Variants in PCTP observed in about 807,000 individuals in gnomAD.
PCTP encodes the protein START domain-containing protein 2.
PCTP carries 27 observed loss-of-function variants against 31.0 expected under a neutral mutation model. The observed-to-expected ratio is 0.87, with a 90% CI of 0.64 to 1.20. The LOEUF (loss-of-function observed/expected upper bound fraction) is 1.20, where lower values mean the gene tolerates loss of function less well. Among genes scored for constraint, PCTP ranks in the 50% most tolerant of loss-of-function variants. PCTP has a pLI of 0.00. For synonymous variants in PCTP, 108 were observed against 101.2 expected (o/e 1.07, Z -0.40); for missense variants, 287 against 268.2 (o/e 1.07, Z -0.49).
intron 3 of PCTP, among the ~76,000 whole-genome samples, chr17:55,788,357 G>T (rs1911825756): frequency 6.6e-6 from 1 of 152,014 alleles, no homozygotes; most frequent in Admixed American, 6.6e-5. Context: ...TCCTTCTATG[G>T]AACACCTTCT....
At chr17:55,828,458 C>A (rs11651152) in intron 5 of PCTP, among the ~76,000 whole-genome samples, 15,814 of 152,218 alleles carry the variant, frequency 0.1, 1,166 homozygotes, top group East Asian at 0.35. Context: ...CTGTCTTCCC[C>A]CTCTGTTCTG....
At chr17:55,839,720 A>G (rs1320529386) in intron 5 of PCTP, among the ~76,000 whole-genome samples, 1 of 151,618 alleles carries the variant, frequency 6.6e-6, no homozygotes, top group East Asian at 1.9e-4. Flanking sequence ...GGAGATCGAG[A>G]CCATCCCGGC....
chr17:55,827,181 A>T (rs1387117569), downstream of PCTP, among the ~76,000 whole-genome samples: 1 of 152,100 alleles, frequency 6.6e-6, no homozygotes, highest in South Asian at 2.1e-4. Context: ...GACTTCTTTC[A>T]TGCAAGTAGT....
At chr17:55,791,788 C>G (rs1911992233) in intron 3 of PCTP, among the ~76,000 whole-genome samples, 2 of 152,204 alleles carry the variant, frequency 1.3e-5, no homozygotes, top group African/African-American at 2.4e-5. Context: ...CCATTTGACC[C>G]AGCCATCCCA....
intron 1 of PCTP, among the ~76,000 whole-genome samples, chr17:55,766,254 T>C (rs1910644898): frequency 6.6e-6 from 1 of 150,466 alleles, no homozygotes. Flanking sequence ...CATCAGCTGC[T>C]TTTCTTTTTT....
the PCTP span, among the ~76,000 whole-genome samples, chr17:55,850,034 A>T: frequency 1.3e-5 from 2 of 152,210 alleles, no homozygotes; most frequent in African/African-American, 2.4e-5. Flanking sequence ...ATGTCAAATC[A>T]TGCAGAAAAG....
intron 2 of PCTP, among the ~76,000 whole-genome samples, chr17:55,768,509 G>T (rs1256497045): frequency 6.6e-6 from 1 of 152,204 alleles, no homozygotes; most frequent in African/African-American, 2.4e-5. Context: ...GAAGCAATAT[G>T]TTCAATAGCC....
At chr17:55,773,669 C>A (rs1403295456) in intron 3 of PCTP, 55 bp from the exon 4 acceptor site, 1 of 1,536,714 alleles carries the variant, frequency 6.5e-7, no homozygotes, top group East Asian at 2.3e-5. Flanking sequence ...GTGGCGCTTT[C>A]CTTCTGTCTG....
intron 3 of PCTP, among the ~76,000 whole-genome samples, chr17:55,818,526 CT>C (rs1268106699): frequency 1.3e-5 from 2 of 152,140 alleles, no homozygotes; most frequent in African/African-American, 4.8e-5. Flanking sequence ...GTTTTCTCTT[CT>C]GTAAAATGGG....
intron 3 of PCTP, among the ~76,000 whole-genome samples, chr17:55,793,938 G>T (rs147635200): frequency 3.3e-5 from 5 of 152,202 alleles, no homozygotes; most frequent in Admixed American, 2.6e-4. Context: ...CGCCTTCACA[G>T]TAGAAGTTAA....
the PCTP span, among the ~76,000 whole-genome samples, chr17:55,850,924 G>A: frequency 6.6e-6 from 1 of 152,182 alleles, no homozygotes; most frequent in African/African-American, 2.4e-5. Context: ...CCCACCTACA[G>A]AAGCAGAGGG....
chr17:55,847,014 A>C (rs1906166446), downstream of PCTP, among the ~76,000 whole-genome samples: 1 of 152,276 alleles, frequency 6.6e-6, no homozygotes. Context: ...TGTTATCTCA[A>C]GTGTCATGAA....
intron 5 of PCTP, among the ~76,000 whole-genome samples, chr17:55,830,833 A>G (rs1905570516): frequency 6.6e-6 from 1 of 152,202 alleles, no homozygotes; most frequent in Non-Finnish European, 1.5e-5. Context: ...AGGCTTAGAC[A>G]TGCCTGGGAG....
Position 55,771,145 on chromosome 17 carries a change from A to T in PCTP, c.299A>T (p.Tyr100Phe). ...GAATGCAACGGAGAGACTGTGGTCT[A>T]CTGGGAAGTGAAGTACCCTTTTCCC... ...EQECNGETVV[Y>F]WEVKYPFPMS... The change falls in exon 3 of 6, where the codon TAC becomes TTC. Residue 100 changes from tyrosine (Y) to phenylalanine (F), a missense_variant. Coordinates refer to ENST00000268896, the MANE Select transcript of PCTP (RefSeq NM_021213.4). The T allele has an allele frequency of 6.2e-7, 1 of 1,613,612 alleles. No homozygotes were observed. Among genetic ancestry groups the T allele is most frequent in the Non-Finnish European group, 8.5e-7 (1 of 1,179,504 alleles).
chr17:55,781,942 T>C, downstream of PCTP, among the ~76,000 whole-genome samples: 1 of 152,146 alleles, frequency 6.6e-6, no homozygotes, highest in East Asian at 1.9e-4. Context: ...TGTGTACATG[T>C]ATGTGTGGAA....
intron 5 of PCTP, among the ~76,000 whole-genome samples, chr17:55,828,782 G>A (rs955947793): frequency 5.9e-5 from 9 of 152,174 alleles, no homozygotes; most frequent in African/African-American, 9.7e-5. Context: ...AGATGAGAGC[G>A]TGCAGCAGTG....
chr17:55,775,596 TA>T, intron 5 of PCTP: 3 of 1,181,246 alleles, frequency 2.5e-6, no homozygotes, highest in Admixed American at 4.3e-5. Context: ...AGACAATATT[TA>T]GGAAAAGTCT....
At chr17:55,789,554 G>A (rs977319411) in intron 3 of PCTP, among the ~76,000 whole-genome samples, 1 of 152,062 alleles carries the variant, frequency 6.6e-6, no homozygotes, top group Non-Finnish European at 1.5e-5. Context: ...CCATTTTTGC[G>A]AAAATCCTGT....
chr17:55,767,700 G>A (rs1214391354), intron 2 of PCTP, among the ~76,000 whole-genome samples: 1 of 151,064 alleles, frequency 6.6e-6, no homozygotes, highest in East Asian at 1.9e-4. Context: ...TCTGACCTCA[G>A]GTGATCCGCT....
Sources: gnomAD v4.1 joint callset for allele counts (sites outside exome capture counted in the v4.1 genomes callset) on GRCh38, gnomAD v4.1.1 for gene constraint, MANE v1.5 for transcripts, NCBI Gene and HGNC (gene_info 2026-07-23, HGNC 2026-07-21) for gene names.